Variants in CLCN3 observed in about 807,000 individuals in gnomAD.
CLCN3 encodes Cl-/H+ antiporter 3.
A neutral mutation model predicts 83.4 loss-of-function variants in CLCN3; 16 were observed. The ratio of observed to expected loss-of-function variants is 0.19; its 90% CI spans 0.13 to 0.29. The LOEUF (loss-of-function observed/expected upper bound fraction) is 0.29, where lower values mean the gene tolerates loss of function less well. Ranked by LOEUF, CLCN3 falls within the 10% of genes least tolerant of loss-of-function variation. The pLI, the probability that CLCN3 is intolerant of heterozygous loss-of-function variation, is 1.00. For missense variants in CLCN3, 544 were observed against 1,006.0 expected, an observed-to-expected ratio of 0.54 and a Z score of 6.21; for synonymous variants, 322 against 346.2, an observed-to-expected ratio of 0.93 and a Z score of 0.78.
In CLCN3 at chr4:169,713,295, G is replaced by A; in HGVS notation, c.2366G>A (p.Gly789Glu). 1 of 1,601,188 alleles carries A rather than the reference G, an allele frequency of 6.2e-7. No homozygotes were observed. Among genetic ancestry groups the A allele is most frequent in the Non-Finnish European group, 8.6e-7 (1 of 1,168,384 alleles). The change falls in exon 12 of 13, where the codon GGG becomes GAG. Residue 789 changes from glycine to glutamate, a missense_variant and splice_region_variant. This residue lies in a region of CLCN3 where 142 missense variants were observed against 225.0 expected (regional missense o/e 0.63). Coordinates refer to ENST00000513761, the MANE Select transcript of CLCN3 (RefSeq NM_001829.4). Reference sequence around the variant, plus strand: ...AGGCAGTGCCTTGTAACTCACAATGGGTAAGTCTGGTACCACAGGAATCAG... The same window carrying A: ...AGGCAGTGCCTTGTAACTCACAATGAGTAAGTCTGGTACCACAGGAATCAG... ...GLRQCLVTHNGRLLGIITKKD... is the reference protein window; with the variant it reads ...GLRQCLVTHNERLLGIITKKD...
intron 2 of CLCN3, among the ~76,000 whole-genome samples, chr4:169,668,042 CA>C (rs934582065): frequency 2.1e-5 from 2 of 93,630 alleles, no homozygotes; most frequent in African/African-American, 4.4e-5. Context: ...CCCGGCCAGA[CA>C]TTTTTTTTTT....
chr4:169,629,052 C>T (rs1348885251), intron 1 of CLCN3, among the ~76,000 whole-genome samples: 1 of 152,290 alleles, frequency 6.6e-6, no homozygotes, highest in East Asian at 1.9e-4. Context: ...CATATCATAT[C>T]ATTTATATAA....
intron 1 of CLCN3, among the ~76,000 whole-genome samples, chr4:169,623,515 G>C (rs1773157639): frequency 6.6e-6 from 1 of 152,216 alleles, no homozygotes; most frequent in South Asian, 2.1e-4. Context: ...ATTTGTTTGT[G>C]GTGAGAACGT....
chr4:169,667,344 T>C (rs191669205), intron 2 of CLCN3, among the ~76,000 whole-genome samples: 261 of 152,260 alleles, frequency 1.7e-3, no homozygotes, highest in Admixed American at 4.0e-3. Context: ...AAAAGAATAA[T>C]GAATAATTTT....
chr4:169,719,050 T>C (rs1490790325), intron 12 of CLCN3, among the ~76,000 whole-genome samples: 2 of 152,252 alleles, frequency 1.3e-5, no homozygotes, highest in East Asian at 1.9e-4. Flanking sequence ...ATGTTTGGGA[T>C]TGACGTTCTG....
chr4:169,677,152 T>G (rs1346925893), intron 2 of CLCN3, among the ~76,000 whole-genome samples: 2 of 151,914 alleles, frequency 1.3e-5, no homozygotes, highest in African/African-American at 4.8e-5. Context: ...TATAAAAATA[T>G]TATAATATAT....
rs1773490815 is a variant in CLCN3 at position 169,635,968 on chromosome 4, A to G, written c.40A>G (p.Asn14Asp). 6.2e-7 allele frequency: 1 copy of G among 1,612,006 alleles called. No individual in the cohort carries two copies. Among genetic ancestry groups the G allele is most frequent in the Non-Finnish European group, 8.5e-7 (1 of 1,178,966 alleles). Residue 14 changes from asparagine (N) to aspartate (D), a missense_variant, in exon 2 of 13, where the codon AAC (asparagine) becomes GAC (aspartate). Asn to Asp is a conservative substitution (Grantham distance 23, BLOSUM62 1). Coordinates refer to ENST00000513761, the MANE Select transcript of CLCN3 (RefSeq NM_001829.4). ...GCTGTTCCATAGAGGCTACTATAGA[A>G]ACAGCTACAACAGTATAACAAGTGC... ...EQLFHRGYYR[N>D]SYNSITSASS...
intron 2 of CLCN3, among the ~76,000 whole-genome samples, chr4:169,678,321 T>G (rs1731763161): frequency 6.6e-6 from 1 of 152,268 alleles, no homozygotes; most frequent in South Asian, 2.1e-4. Context: ...TAAGAGAACA[T>G]GCCATAATCT....
intron 2 of CLCN3, among the ~76,000 whole-genome samples, chr4:169,666,601 G>A (rs947525618): frequency 2.0e-5 from 3 of 152,188 alleles, no homozygotes; most frequent in Non-Finnish European, 2.9e-5. Context: ...TTGTCCAAAG[G>A]CTAAGTGCAT....
intron 2 of CLCN3, among the ~76,000 whole-genome samples, chr4:169,675,150 G>A (rs975168813): frequency 6.6e-6 from 1 of 152,110 alleles, no homozygotes; most frequent in Non-Finnish European, 1.5e-5. Context: ...AAATATTAGC[G>A]CCTTCTATAT....
intron 2 of CLCN3, among the ~76,000 whole-genome samples, chr4:169,664,422 G>T (rs1406503523): frequency 2.0e-5 from 3 of 151,996 alleles, no homozygotes; most frequent in African/African-American, 4.8e-5. Context: ...GAAAATCCAG[G>T]TGTTATATGA....
At chr4:169,671,101 A>G (rs1426785498) in intron 2 of CLCN3, among the ~76,000 whole-genome samples, 1 of 152,232 alleles carries the variant, frequency 6.6e-6, no homozygotes, top group Non-Finnish European at 1.5e-5. Flanking sequence ...TACTGGGTGT[A>G]TACCCAAAGG....
chr4:169,715,423 G>A (rs1208058986), intron 12 of CLCN3, among the ~76,000 whole-genome samples: 1 of 152,058 alleles, frequency 6.6e-6, no homozygotes, highest in Non-Finnish European at 1.5e-5. Flanking sequence ...TATATGGGGA[G>A]AAAAGAGATC....
At chr4:169,684,409 A>G (rs113108101) in intron 3 of CLCN3, among the ~76,000 whole-genome samples, 33 of 152,252 alleles carry the variant, frequency 2.2e-4, no homozygotes, top group African/African-American at 5.8e-4. Flanking sequence ...CTGTGTCTTC[A>G]TGGACTCATG....
chr4:169,620,613 C>A lies in CLCN3; in HGVS notation c.-467C>A, dbSNP rs1026967110. ...TCCGTGGGTCAGGGCCGGTCCGGTC[C>A]GGAACCTGCAGCCCCTTTCCCAGTG... On this transcript the variant is annotated 5_prime_UTR_variant, in exon 1 of 13. Coordinates refer to ENST00000513761, the MANE Select transcript of CLCN3 (RefSeq NM_001829.4). The A allele has an allele frequency of 1.0e-5, 4 of 397,428 alleles. No homozygotes were observed. Among genetic ancestry groups the A allele is most frequent in the Non-Finnish European group, 1.3e-5 (3 of 225,900 alleles). The allele number at this position is 397,428 out of a possible 1,614,324, so 24.6% of individuals were successfully genotyped here.
At chr4:169,700,136 C>T (rs1245875600) in intron 9 of CLCN3, among the ~76,000 whole-genome samples, 2 of 152,164 alleles carry the variant, frequency 1.3e-5, no homozygotes, top group African/African-American at 2.4e-5. Flanking sequence ...GTGTAAAACA[C>T]ACTTTGATTT....
At position 169,689,164 on chromosome 4, in the gene CLCN3, A is replaced by G. The variant is rs1306865198; in HGVS notation, c.540A>G (p.Thr180=). 2 of 1,613,942 alleles carry G rather than the reference A, an allele frequency of 1.2e-6. No individual in the cohort carries two copies. The highest frequency in any genetic ancestry group is 2.2e-5 in the East Asian group (1 of 44,886). The part of the protein sequence containing the change: ...EQCCWGSNET[T]FEERDKCPQW... ...GCTGTTGGGGATCTAATGAAACAACATTTGAAGAGAGGGATAAATGTCCAC... is the reference window on the plus strand; with the variant it reads ...GCTGTTGGGGATCTAATGAAACAACGTTTGAAGAGAGGGATAAATGTCCAC... The change falls in exon 5 of 13, where the codon ACA becomes ACG. Residue 180 remains threonine, a synonymous_variant. Coordinates refer to ENST00000513761, the MANE Select transcript of CLCN3 (RefSeq NM_001829.4).
chr4:169,704,210 G>A, intron 10 of CLCN3, 26 bp downstream of exon 10: 5 of 1,592,760 alleles, frequency 3.1e-6, no homozygotes, highest in South Asian at 1.1e-5. Context: ...CTGCCTGTGT[G>A]TGGATGTTTG....
At chr4:169,691,708 CAGAGA>C (rs1366897077) in intron 6 of CLCN3, among the ~76,000 whole-genome samples, 1 of 152,098 alleles carries the variant, frequency 6.6e-6, no homozygotes, top group African/African-American at 2.4e-5. Context: ...TTACAGTACT[CAGAGA>C]AAACATAATA....
Sources: gnomAD v4.1 joint callset for allele counts (sites outside exome capture counted in the v4.1 genomes callset) on GRCh38, gnomAD v4.1.1 for gene constraint, gnomAD v4.1.1 regional missense constraint, MANE v1.5 for transcripts, NCBI Gene and HGNC (gene_info 2026-07-23, HGNC 2026-07-21) for gene names.